The following RARB variants were observed in gnomAD, a reference collection of about 807,000 sequenced individuals.
The protein encoded by RARB is HBV-activated protein.
Under a neutral mutation model 51.9 loss-of-function variants are expected in RARB, and 17 were observed. The ratio of observed to expected loss-of-function variants is 0.33; its 90% CI spans 0.22 to 0.49. The LOEUF (loss-of-function observed/expected upper bound fraction) is 0.49, where lower values mean the gene tolerates loss of function less well. Among genes scored for constraint, RARB ranks in the 20% least tolerant of loss-of-function variants. The pLI is 0.99. For synonymous variants in RARB, 215 were observed against 195.4 expected (o/e 1.10, Z -0.84); for missense variants, 369 against 550.8 (o/e 0.67, Z 3.30).
intron 2 of RARB, among the ~76,000 whole-genome samples, chr3:24,999,656 C>T (rs892066445): frequency 1.3e-5 from 2 of 152,130 alleles, no homozygotes; most frequent in Non-Finnish European, 2.9e-5. Context: ...GATGCTATTA[C>T]CCAGCCCTTT....
intron 2 of RARB, among the ~76,000 whole-genome samples, chr3:24,905,143 A>G (rs537726241): frequency 6.6e-6 from 1 of 152,314 alleles, no homozygotes; most frequent in African/African-American, 2.4e-5. Context: ...AATAAAAATA[A>G]AATAACCAAA....
At chr3:25,440,473 A>T (rs866900293) in intron 1 of RARB, among the ~76,000 whole-genome samples, 7 of 151,196 alleles carry the variant, frequency 4.6e-5, no homozygotes, top group African/African-American at 1.7e-4. Flanking sequence ...AAAGAAATTT[A>T]TTTAAAAAAA....
chr3:25,158,067 T>C (rs1228656800), intron 4 of RARB, among the ~76,000 whole-genome samples: 1 of 152,216 alleles, frequency 6.6e-6, no homozygotes, highest in African/African-American at 2.4e-5. Flanking sequence ...ACCAATGAAG[T>C]TAAACTACTT....
intron 5 of RARB, among the ~76,000 whole-genome samples, chr3:25,382,636 A>G (rs1057159662): frequency 1.3e-5 from 2 of 152,160 alleles, no homozygotes; most frequent in African/African-American, 4.8e-5. Flanking sequence ...CAGGCGGATC[A>G]CCTGAGGTCA....
upstream of RARB, among the ~76,000 whole-genome samples, chr3:25,424,321 A>C (rs538609649): frequency 1.3e-5 from 2 of 152,306 alleles, no homozygotes; most frequent in Non-Finnish European, 2.9e-5. Flanking sequence ...TTCATACTGA[A>C]GGGCCACAAG....
At chr3:24,869,077 C>G (rs934877868) in intron 2 of RARB, among the ~76,000 whole-genome samples, 1 of 152,084 alleles carries the variant, frequency 6.6e-6, no homozygotes, top group East Asian at 1.9e-4. Context: ...CATCAACACC[C>G]TTCATGTTAT....
intron 5 of RARB, among the ~76,000 whole-genome samples, chr3:25,210,588 T>G (rs1701672902): frequency 7.4e-6 from 1 of 134,724 alleles, no homozygotes; most frequent in African/African-American, 2.8e-5. Context: ...CAGGCAAGAG[T>G]GCAGAGGTGT....
intron 5 of RARB, among the ~76,000 whole-genome samples, chr3:25,284,751 C>A (rs1054285325): frequency 6.6e-6 from 1 of 152,108 alleles, no homozygotes; most frequent in Non-Finnish European, 1.5e-5. Context: ...GTTTGAACTG[C>A]GCAAGTCCGC....
intron 1 of RARB, among the ~76,000 whole-genome samples, chr3:25,455,443 A>T (rs1400676168): frequency 6.6e-6 from 1 of 152,212 alleles, no homozygotes; most frequent in Admixed American, 6.5e-5. Flanking sequence ...TTTGAGGAAC[A>T]TTGATTTAAA....
intron 3 of RARB, among the ~76,000 whole-genome samples, chr3:25,103,702 C>T (rs757900735): frequency 1.1e-4 from 17 of 152,192 alleles, no homozygotes; most frequent in Non-Finnish European, 2.2e-4. Context: ...CGGTGTCACT[C>T]AGTTCCATGA....
At chr3:25,154,215 A>G (rs1035068025) in intron 4 of RARB, among the ~76,000 whole-genome samples, 1 of 152,172 alleles carries the variant, frequency 6.6e-6, no homozygotes, top group African/African-American at 2.4e-5. Flanking sequence ...TATATCTGCT[A>G]GTATATATCC....
At chr3:25,550,091 T>C (rs1468935363) in intron 3 of RARB, among the ~76,000 whole-genome samples, 4 of 139,948 alleles carry the variant, frequency 2.9e-5, no homozygotes, top group African/African-American at 9.9e-5. Flanking sequence ...AATACTGTCT[T>C]ATGGTACTCA....
chr3:24,975,731 G>T (rs1410036322), intron 2 of RARB, among the ~76,000 whole-genome samples: 4 of 151,808 alleles, frequency 2.6e-5, no homozygotes, highest in African/African-American at 9.7e-5. Context: ...TTGTCATGCT[G>T]CTGCTAAATT....
chr3:25,175,634 T>G (rs1700728102), intron 5 of RARB, among the ~76,000 whole-genome samples: 1 of 152,190 alleles, frequency 6.6e-6, no homozygotes, highest in East Asian at 1.9e-4. Context: ...GATGGGTGTT[T>G]GGATGGACGA....
At chr3:25,223,629 A>T (rs959677635) in intron 5 of RARB, among the ~76,000 whole-genome samples, 1 of 152,324 alleles carries the variant, frequency 6.6e-6, no homozygotes, top group African/African-American at 2.4e-5. Context: ...TAAATTAGTG[A>T]ATGAAGACAT....
Position 25,232,432 on chromosome 3 carries a change from C to T in RARB, c.178+57857C>T, listed in dbSNP as rs116313215. Among the ~76,000 whole-genome samples the T allele has an allele frequency of 3.5e-3, 537 of 152,066 alleles. 1 individual carries two copies. Among genetic ancestry groups the T allele is most frequent in the African/African-American group, 0.011 (477 of 41,494 alleles). On this transcript the variant is annotated intron_variant, in intron 5 of 11. Coordinates refer to the RARB transcript ENST00000383772. ...AATTGGCATCTTGGCAATATTAATA[C>T]TTCTAATCCATGAATCTAGTATATC...
At chr3:24,934,890 A>G (rs1004412954) in intron 2 of RARB, among the ~76,000 whole-genome samples, 3 of 152,178 alleles carry the variant, frequency 2.0e-5, no homozygotes, top group African/African-American at 7.2e-5. Context: ...AAATTGGTAC[A>G]TTTAAAAGTT....
At chr3:25,207,273 A>AGG in intron 5 of RARB, among the ~76,000 whole-genome samples, 1 of 151,866 alleles carries the variant, frequency 6.6e-6, no homozygotes, top group African/African-American at 2.4e-5. Flanking sequence ...AATCTCTGTG[A>AGG]TCCTCCCCTG....
intron 3 of RARB, among the ~76,000 whole-genome samples, chr3:25,525,388 A>G (rs1698604729): frequency 6.6e-6 from 1 of 151,984 alleles, no homozygotes; most frequent in Non-Finnish European, 1.5e-5. Flanking sequence ...TTTATGTGAC[A>G]CCAAATCACC....
Sources: gnomAD v4.1 joint callset for allele counts (sites outside exome capture counted in the v4.1 genomes callset) on GRCh38, gnomAD v4.1.1 for gene constraint, MANE v1.5 for transcripts, NCBI Gene and HGNC (gene_info 2026-07-23, HGNC 2026-07-21) for gene names.